The following UST variants were observed in gnomAD, a reference collection of about 807,000 sequenced individuals.
UST encodes the protein uronyl 2-sulfotransferase, also known as chondroitin sulfate 2-O-sulfotransferase.
A neutral mutation model predicts 45.6 loss-of-function variants in UST; 21 were observed. The observed-to-expected ratio is 0.46, with a 90% CI of 0.33 to 0.66. The LOEUF (loss-of-function observed/expected upper bound fraction) is 0.66. UST is among the 30% of genes least tolerant of loss of function. The pLI is 0.02. For synonymous variants in UST, 215 were observed against 200.6 expected (o/e 1.07, Z -0.61); for missense variants, 463 against 512.4 (o/e 0.90, Z 0.93).
rs1314048216 is a variant in UST at position 149,074,660 on chromosome 6, A to C, written c.*544A>C. 6.4e-6 allele frequency: 1 copy of C among 156,764 alleles called. No homozygotes were observed. Among genetic ancestry groups the C allele is most frequent in the African/African-American group, 2.4e-5 (1 of 41,466 alleles). The allele number at this position is 156,764 out of a possible 1,614,324, so 9.7% of individuals were successfully genotyped here. A position where few individuals can be genotyped will look rare whatever the true frequency, so the allele number is the denominator to read the frequency against. Reference sequence around the variant, plus strand: ...TGAGGTGGGAGGATCACTTGAGCCCAGGAGTTTGAGGTTGCAGTGAGCTGT... The same window carrying C: ...TGAGGTGGGAGGATCACTTGAGCCCCGGAGTTTGAGGTTGCAGTGAGCTGT... On this transcript the variant is annotated 3_prime_UTR_variant, in exon 8 of 8. Coordinates refer to ENST00000367463, the MANE Select transcript of UST (RefSeq NM_005715.3).
intron 1 of UST, among the ~76,000 whole-genome samples, chr6:148,813,117 A>C (rs1777289969): frequency 1.3e-5 from 2 of 152,136 alleles, no homozygotes; most frequent in African/African-American, 4.8e-5. Context: ...TTTGTATTTT[A>C]TATTTTTATG....
chr6:148,806,233 A>G (rs919657546), intron 1 of UST, among the ~76,000 whole-genome samples: 1 of 152,360 alleles, frequency 6.6e-6, no homozygotes, highest in Non-Finnish European at 1.5e-5. Context: ...TTGTAGACTC[A>G]TGCTAAATCA....
chr6:148,875,592 C>T (rs1334390044), intron 1 of UST, among the ~76,000 whole-genome samples: 6 of 152,218 alleles, frequency 3.9e-5, no homozygotes, highest in Non-Finnish European at 8.8e-5. Context: ...CACCTGAGGT[C>T]AGGGAGTTCA....
chr6:149,045,525 G>A lies in UST; in HGVS notation c.937+24044G>A, dbSNP rs144284667. Among the ~76,000 whole-genome samples the A allele has an allele frequency of 9.3e-4, 141 of 152,256 alleles. 4 individuals are homozygous for A. The highest frequency in any genetic ancestry group is 6.8e-3 in the Middle Eastern group (2 of 294). On this transcript the variant is annotated intron_variant, in intron 7 of 7. Transcript: ENST00000367463. ...AAAGAACAGAGAGGACATGGATGGC[G>A]CTCACCAGGAAGTGTGTGTGGGTAC...
intron 2 of UST, among the ~76,000 whole-genome samples, chr6:148,903,724 C>G (rs1158000768): frequency 2.0e-5 from 3 of 152,098 alleles, no homozygotes; most frequent in Non-Finnish European, 4.4e-5. Flanking sequence ...GCAGGTGACT[C>G]TAATATGCAG....
intron 1 of UST, among the ~76,000 whole-genome samples, chr6:148,778,758 G>T (rs542506171): frequency 4.3e-4 from 66 of 152,320 alleles, no homozygotes; most frequent in African/African-American, 1.6e-3. Context: ...GTTGATTTAA[G>T]AATTGAAACT....
chr6:149,032,408 C>A (rs555766979), intron 7 of UST: 2 of 153,390 alleles, frequency 1.3e-5, no homozygotes, highest in East Asian at 3.9e-4. Flanking sequence ...CTGCTGGCCC[C>A]ATGTGCCTCG....
At chr6:148,782,001 T>G (rs1776652773) in intron 1 of UST, among the ~76,000 whole-genome samples, 1 of 152,240 alleles carries the variant, frequency 6.6e-6, no homozygotes, top group Admixed American at 6.5e-5. Flanking sequence ...TAATGTTGTT[T>G]TAATGCTTGC....
intron 1 of UST, among the ~76,000 whole-genome samples, chr6:148,796,797 C>CTTTTTT (rs1195878764): frequency 3.2e-4 from 23 of 72,080 alleles, no homozygotes; most frequent in East Asian, 9.6e-4. Flanking sequence ...TCTGATAATT[C>CTTTTTT]TTTTTTTTTT....
intron 4 of UST, among the ~76,000 whole-genome samples, chr6:148,959,277 A>G (rs1277157392): frequency 1.3e-5 from 2 of 152,356 alleles, no homozygotes; most frequent in East Asian, 3.9e-4. Flanking sequence ...TTTGGTTTTC[A>G]CATCTTATTT....
chr6:149,018,325 A>C (rs1260510644), intron 5 of UST, among the ~76,000 whole-genome samples: 1 of 152,182 alleles, frequency 6.6e-6, no homozygotes, highest in Admixed American at 6.5e-5. Context: ...TCCAGTCTTA[A>C]TCTGCCTTGC....
chr6:148,964,629 A>T, intron 5 of UST, 66 bp downstream of exon 5: 1 of 1,591,130 alleles, frequency 6.3e-7, no homozygotes. Flanking sequence ...CCACCAGGGA[A>T]GGTTCACTCT....
chr6:148,993,022 C>G, intron 5 of UST: 1 of 985,462 alleles, frequency 1.0e-6, no homozygotes, highest in Non-Finnish European at 1.2e-6. Flanking sequence ...CTAATAACCA[C>G]TTGCTTCCTT....
chr6:148,840,058 C>T (rs1009967934), intron 1 of UST, among the ~76,000 whole-genome samples: 6 of 152,128 alleles, frequency 3.9e-5, no homozygotes, highest in Non-Finnish European at 1.5e-5. Context: ...AACAGAAACT[C>T]GTTGGCTATT....
chr6:148,765,417 C>CT (rs1776303594), intron 1 of UST, among the ~76,000 whole-genome samples: 1 of 152,132 alleles, frequency 6.6e-6, no homozygotes, highest in Non-Finnish European at 1.5e-5. Flanking sequence ...CAGCTTTGTT[C>CT]TTTTTGCTTA....
intron 1 of UST, among the ~76,000 whole-genome samples, chr6:148,761,475 C>T (rs1776219117): frequency 6.6e-6 from 1 of 151,200 alleles, no homozygotes. Flanking sequence ...TTGCAGATCT[C>T]TTGCAATTTC....
chr6:148,894,258 A>G (rs1779075978), intron 2 of UST, among the ~76,000 whole-genome samples: 1 of 152,192 alleles, frequency 6.6e-6, no homozygotes, highest in Non-Finnish European at 1.5e-5. Context: ...GTTTTCCCAA[A>G]AGATACATTG....
chr6:148,999,595 T>TCCCAATCAAGATGGTATACTGAGTTCA (rs1425100852), intron 5 of UST, among the ~76,000 whole-genome samples: 3 of 140,084 alleles, frequency 2.1e-5, no homozygotes, highest in Admixed American at 7.0e-5. Context: ...AGAAGAACCC[T>TCCCAATCAAGATGGTATACTGAGTTCA]CAGGAATAAT....
At chr6:149,033,984 C>G (rs996426880) in intron 7 of UST, among the ~76,000 whole-genome samples, 5 of 152,138 alleles carry the variant, frequency 3.3e-5, no homozygotes, top group Non-Finnish European at 7.3e-5. Flanking sequence ...CTATCTGTAA[C>G]TAGTATGCAC....
Sources: allele counts gnomAD v4.1 joint callset (sites outside exome capture counted in the v4.1 genomes callset), GRCh38; gene constraint gnomAD v4.1.1; transcripts MANE v1.5; gene names NCBI Gene and HGNC (gene_info 2026-07-23, HGNC 2026-07-21).